TNFRSF10B: variants seen among roughly 807,000 people sequenced by gnomAD.
TNFRSF10B encodes the protein TNF receptor superfamily member 10b.
In TNFRSF10B, 35 loss-of-function variants were observed where a neutral mutation model predicts 41.4. The ratio of observed to expected loss-of-function variants is 0.85; its 90% CI spans 0.65 to 1.12. The LOEUF (loss-of-function observed/expected upper bound fraction) is 1.12. TNFRSF10B is among the 50% of genes most tolerant of loss of function. TNFRSF10B has a pLI of 0.00. For missense variants in TNFRSF10B, 584 were observed against 552.7 expected (o/e 1.06, Z -0.57); for synonymous variants, 230 against 215.5 (o/e 1.07, Z -0.59).
At chr8:23,030,982 A>G in intron 2 of TNFRSF10B, 110 bp from the exon 3 acceptor site, 2 of 759,540 alleles carry the variant, frequency 2.6e-6, no homozygotes, top group Middle Eastern at 7.0e-4. Context: ...AAAAGAGGGA[A>G]ATCTCCTCTA....
intron 5 of TNFRSF10B, chr8:23,028,003 G>C (rs1811762712): frequency 3.3e-6 from 2 of 607,000 alleles, no homozygotes; most frequent in Non-Finnish European, 2.9e-6. Context: ...AAAATCCCAC[G>C]ACCACTTCTC....
chr8:23,049,587 A>C (rs1812461877), intron 1 of TNFRSF10B, among the ~76,000 whole-genome samples: 1 of 152,220 alleles, frequency 6.6e-6, no homozygotes, highest in Non-Finnish European at 1.5e-5. Flanking sequence ...TTAATCACTT[A>C]TGTCTTTAGA....
intron 2 of TNFRSF10B, among the ~76,000 whole-genome samples, chr8:23,032,872 C>T (rs1811919586): frequency 6.6e-6 from 1 of 152,046 alleles, no homozygotes; most frequent in African/African-American, 2.4e-5. Context: ...ACTCAATGAT[C>T]TCCAAGCAGG....
chr8:23,064,875 C>A (rs924262932), intron 1 of TNFRSF10B, among the ~76,000 whole-genome samples: 2 of 152,210 alleles, frequency 1.3e-5, no homozygotes, highest in Non-Finnish European at 2.9e-5. Context: ...TAAACACATG[C>A]TCTGATTAGT....
chr8:23,060,498 T>C (rs905983438), intron 1 of TNFRSF10B, among the ~76,000 whole-genome samples: 24 of 152,224 alleles, frequency 1.6e-4, no homozygotes, highest in Non-Finnish European at 2.1e-4. Flanking sequence ...CACTGATCGA[T>C]TTATCTGCTT....
intron 1 of TNFRSF10B, among the ~76,000 whole-genome samples, chr8:23,043,882 T>C (rs951619450): frequency 6.6e-6 from 1 of 152,220 alleles, no homozygotes; most frequent in African/African-American, 2.4e-5. Flanking sequence ...AGATGGTGTA[T>C]CCTATGACAC....
At chr8:23,047,027 C>G (rs897980522) in intron 1 of TNFRSF10B, among the ~76,000 whole-genome samples, 5 of 152,108 alleles carry the variant, frequency 3.3e-5, no homozygotes, top group Non-Finnish European at 5.9e-5. Flanking sequence ...GGGGCTAAAA[C>G]TACACAACAT....
chr8:23,068,983 C>T lies in TNFRSF10B; in HGVS notation c.-89G>A, dbSNP rs1241393260. 6.2e-7 allele frequency: 1 copy of T among 1,603,788 alleles called. No individual in the cohort carries two copies. The highest frequency in any genetic ancestry group is 8.5e-7 in the Non-Finnish European group (1 of 1,174,326). On this transcript the variant is annotated 5_prime_UTR_variant, in exon 1 of 9. Coordinates refer to ENST00000276431, the MANE Select transcript of TNFRSF10B (RefSeq NM_003842.5). The stretch of plus-strand genomic sequence containing the variant: ...GCATCGTCGGTGTATTTTGTGGGCG[C>T]AGAGATTGCGGGGTTCTCCGGCCGC...
At chr8:23,052,783 T>C (rs1378658816) in intron 1 of TNFRSF10B, among the ~76,000 whole-genome samples, 1 of 152,244 alleles carries the variant, frequency 6.6e-6, no homozygotes. Context: ...GTTTGCTAAA[T>C]GCTTTAGGTC....
chr8:23,058,898 G>A (rs1812746478), intron 1 of TNFRSF10B, among the ~76,000 whole-genome samples: 1 of 152,016 alleles, frequency 6.6e-6, no homozygotes, highest in Non-Finnish European at 1.5e-5. Flanking sequence ...TATATAACAT[G>A]AAACTTATCT....
At chr8:23,063,979 T>C (rs1273880498) in intron 1 of TNFRSF10B, among the ~76,000 whole-genome samples, 1 of 152,246 alleles carries the variant, frequency 6.6e-6, no homozygotes, top group Non-Finnish European at 1.5e-5. Context: ...TGCAGCTTCC[T>C]AGAATCCACG....
rs1563310598 is a variant in TNFRSF10B at position 23,033,620 on chromosome 8, A to AAAAAAAAAAAAAG, written c.251-2749_251-2748insCTTTTTTTTTTTT. Among the ~76,000 whole-genome samples, 9 of 107,752 alleles carry AAAAAAAAAAAAAG rather than the reference A, an allele frequency of 8.4e-5. 1 individual carries two copies. The highest frequency in any genetic ancestry group is 2.2e-4 in the African/African-American group (7 of 31,796). The allele number at this position is 107,752 out of a possible 152,430, so 70.7% of individuals were successfully genotyped here. A position where few individuals can be genotyped will look rare whatever the true frequency, so the allele number is the denominator to read the frequency against. On this transcript the variant is annotated intron_variant, in intron 2 of 8. Transcript: ENST00000276431. ...AAAAAAAAAAAAAAAAAAAAAAAAA[A>AAAAAAAAAAAAAG]AGAACCCTGGAAAAGGTAACTATTT...
intron 2 of TNFRSF10B, among the ~76,000 whole-genome samples, chr8:23,039,815 T>C (rs1302835102): frequency 6.6e-6 from 1 of 152,176 alleles, no homozygotes; most frequent in East Asian, 1.9e-4. Context: ...AGTATTTGGA[T>C]TGCAATGAAA....
chr8:23,029,202 G>T (rs979776583), intron 4 of TNFRSF10B, among the ~76,000 whole-genome samples: 1 of 152,132 alleles, frequency 6.6e-6, no homozygotes, highest in African/African-American at 2.4e-5. Flanking sequence ...TGGGCCATGG[G>T]CACTTTTGTC....
chr8:23,063,707 C>T (rs1157890557), intron 1 of TNFRSF10B, among the ~76,000 whole-genome samples: 1 of 152,308 alleles, frequency 6.6e-6, no homozygotes, highest in East Asian at 1.9e-4. Context: ...CACTAGGACC[C>T]ATCCCGAATG....
chr8:23,036,697 A>T (rs2128813728), intron 2 of TNFRSF10B, among the ~76,000 whole-genome samples: 1 of 152,218 alleles, frequency 6.6e-6, no homozygotes, highest in Admixed American at 6.5e-5. Flanking sequence ...ATACAAAATT[A>T]CCGAGCATGG....
Position 23,043,222 on chromosome 8 carries a change from T to C in TNFRSF10B, c.166A>G (p.Ile56Val), listed in dbSNP as rs749539629. The C allele has an allele frequency of 1.9e-6, 3 of 1,614,054 alleles. No homozygotes were observed. The East Asian group carries it at 6.7e-5, about 36-fold the overall frequency. The change falls in exon 2 of 9, where the codon ATC becomes GTC. Residue 56 changes from isoleucine to valine, a missense_variant. Ile to Val is a conservative substitution (Grantham distance 29, BLOSUM62 3). Coordinates refer to ENST00000276431, the MANE Select transcript of TNFRSF10B (RefSeq NM_003842.5). ...LLLVSAESAL[I>V]TQQDLAPQQR... is the part of the protein sequence containing the mutation. ...TGGGGAGCTAGGTCTTGTTGGGTGA[T>C]CAGAGCAGACTCAGCTGAGACCTGT...
In TNFRSF10B at chr8:23,043,327, G is replaced by A; in HGVS notation, c.145-84C>T. On this transcript the variant is annotated intron_variant, in intron 1 of 8. Coordinates refer to ENST00000276431, the MANE Select transcript of TNFRSF10B (RefSeq NM_003842.5). ...TCCACTCACATTCTCTTGAGCCCAG[G>A]CACCCAAGCTAAACAGAACCCTCAT... 1.1e-5 allele frequency: 12 copies of A among 1,060,220 alleles called. 1 individual carries two copies. In the South Asian group the frequency reaches 1.6e-4, roughly 14 times the overall value. The allele number at this position is 1,060,220 out of a possible 1,614,324, so 65.7% of individuals were successfully genotyped here. A position where few individuals can be genotyped will look rare whatever the true frequency, so the allele number is the denominator to read the frequency against.
chr8:23,024,191 C>A lies in TNFRSF10B; in HGVS notation c.1006G>T (p.Glu336Ter). 6.2e-7 allele frequency: 1 copy of A among 1,614,138 alleles called. No individual in the cohort carries two copies. The highest frequency in any genetic ancestry group is 8.5e-7 in the Non-Finnish European group (1 of 1,180,004). ...LVPANEGDPT[E>*]TLRQCFDDFA... The stretch of plus-strand genomic sequence containing the variant: ...TCTCCAGGAGCAAAACACTTACTCT[C>A]AGTGGGATCACCTTCATTTGCTGGA... Residue 336 changes from glutamate to a stop codon, truncating the protein, a stop_gained, in exon 8 of 9, where the codon GAG becomes TAG. Coordinates refer to ENST00000276431, the MANE Select transcript of TNFRSF10B (RefSeq NM_003842.5). LOFTEE classifies it low-confidence loss of function (END_TRUNC).
Sources: allele counts gnomAD v4.1 joint callset (sites outside exome capture counted in the v4.1 genomes callset), GRCh38; gene constraint gnomAD v4.1.1; transcripts MANE v1.5; gene names NCBI Gene and HGNC (gene_info 2026-07-23, HGNC 2026-07-21).